Variants in VPS13B observed in about 807,000 individuals in gnomAD.
VPS13B encodes vacuolar protein sorting 13 homolog B.
Under a neutral mutation model 426.4 loss-of-function variants are expected in VPS13B, and 285 were observed. The observed-to-expected ratio is 0.67, with a 90% CI of 0.61 to 0.74. VPS13B has a LOEUF of 0.74. Ranked by LOEUF, VPS13B falls within the 30% of genes least tolerant of loss-of-function variation. The pLI is 0.00. For missense variants in VPS13B, 4,537 were observed against 4,782.6 expected, an observed-to-expected ratio of 0.95 and a Z score of 1.51; for synonymous variants, 1,676 against 1,676.4, an observed-to-expected ratio of 1.00 and a Z score of 0.01.
intron 16 of VPS13B, among the ~76,000 whole-genome samples, chr8:99,173,210 G>A (rs1361490939): frequency 6.6e-6 from 1 of 152,078 alleles, no homozygotes; most frequent in Admixed American, 6.6e-5. Context: ...TGAGTTCAGT[G>A]TTAATTAGAA....
chr8:99,270,313 A>G (rs1465053892), intron 17 of VPS13B, among the ~76,000 whole-genome samples: 4 of 149,932 alleles, frequency 2.7e-5, no homozygotes, highest in Non-Finnish European at 4.4e-5. Flanking sequence ...TAATTTTTAT[A>G]CTTTTAGTAT....
intron 59 of VPS13B, among the ~76,000 whole-genome samples, 161 bp from the exon 60 acceptor site, chr8:99,870,624 T>C (rs777995236): frequency 2.6e-5 from 4 of 152,224 alleles, no homozygotes; most frequent in African/African-American, 7.2e-5. Flanking sequence ...GTTAAGAGCA[T>C]TGTAATGTTT....
At chr8:99,664,189 T>A (rs992914126) in intron 35 of VPS13B, among the ~76,000 whole-genome samples, 4 of 151,892 alleles carry the variant, frequency 2.6e-5, no homozygotes, top group Non-Finnish European at 4.4e-5. Flanking sequence ...GTATTTTTAG[T>A]AGAGGTTGGG....
At chr8:99,430,710 C>T (rs1050907685) in intron 21 of VPS13B, among the ~76,000 whole-genome samples, 3 of 151,344 alleles carry the variant, frequency 2.0e-5, no homozygotes, top group Non-Finnish European at 4.4e-5. Context: ...CCACCCCCCC[C>T]CCAACTTTTT....
At chr8:99,559,995 G>A (rs1240393164) in intron 31 of VPS13B, among the ~76,000 whole-genome samples, 1 of 151,970 alleles carries the variant, frequency 6.6e-6, no homozygotes, top group Non-Finnish European at 1.5e-5. Flanking sequence ...AATTACCTTG[G>A]GCAGTATGGC....
chr8:99,707,539 C>G (rs1366557220), intron 36 of VPS13B, among the ~76,000 whole-genome samples: 1 of 152,140 alleles, frequency 6.6e-6, no homozygotes, highest in Non-Finnish European at 1.5e-5. Flanking sequence ...ACCTCATGGT[C>G]TAGGCACACT....
At chr8:99,451,204 G>A (rs1309605770) in intron 23 of VPS13B, among the ~76,000 whole-genome samples, 1 of 152,114 alleles carries the variant, frequency 6.6e-6, no homozygotes, top group Non-Finnish European at 1.5e-5. Flanking sequence ...CATTCTAAGG[G>A]TGTCTGTTTT....
At chr8:99,247,800 G>A (rs1193823715) in intron 17 of VPS13B, among the ~76,000 whole-genome samples, 1 of 151,528 alleles carries the variant, frequency 6.6e-6, no homozygotes, top group Non-Finnish European at 1.5e-5. Context: ...CATTTCACTT[G>A]TTAAATATAG....
At chr8:99,677,740 A>ATT (rs113491438) in intron 35 of VPS13B, among the ~76,000 whole-genome samples, 2 of 151,644 alleles carry the variant, frequency 1.3e-5, no homozygotes, top group African/African-American at 2.4e-5. Context: ...AGTCATTTAG[A>ATT]TTTTTTTTTA....
intron 14 of VPS13B, among the ~76,000 whole-genome samples, chr8:99,154,829 C>A (rs971183206): frequency 2.0e-5 from 3 of 152,006 alleles, no homozygotes; most frequent in African/African-American, 2.4e-5. Context: ...GGTTAACTTA[C>A]TTTAGGGGAA....
intron 3 of VPS13B, among the ~76,000 whole-genome samples, chr8:99,085,856 C>G (rs936581709): frequency 1.3e-5 from 2 of 152,186 alleles, no homozygotes; most frequent in Non-Finnish European, 2.9e-5. Context: ...GGTAACCCGA[C>G]CTTTCTTTCT....
chr8:99,660,611 A>G (rs1465129815), intron 34 of VPS13B, among the ~76,000 whole-genome samples: 1 of 152,130 alleles, frequency 6.6e-6, no homozygotes, highest in Admixed American at 6.5e-5. Context: ...AGCTATTTCA[A>G]TAAAAGCTGT....
In VPS13B at chr8:99,629,052, C is replaced by T. The variant is rs1049654825; in HGVS notation, c.5221-12759C>T. Among the ~76,000 whole-genome samples the T allele has an allele frequency of 2.0e-5, 3 of 152,304 alleles. No individual in the cohort carries two copies. The East Asian group carries it at 5.8e-4, about 29-fold the overall frequency. ...GATCTGGTATTATAGGCATGAGCCACTATGCCCAGCCTAGCTGTATGATTT... is the reference window on the plus strand; with the variant it reads ...GATCTGGTATTATAGGCATGAGCCATTATGCCCAGCCTAGCTGTATGATTT... On this transcript the variant is annotated intron_variant, in intron 33 of 61. Transcript: ENST00000357162.
At chr8:99,749,315 A>G (rs1385776565) in intron 39 of VPS13B, among the ~76,000 whole-genome samples, 1 of 151,988 alleles carries the variant, frequency 6.6e-6, no homozygotes, top group Non-Finnish European at 1.5e-5. Flanking sequence ...CTGTTGTTCT[A>G]TCAGACACTA....
At chr8:99,242,222 A>G (rs1816968746) in intron 17 of VPS13B, among the ~76,000 whole-genome samples, 1 of 152,150 alleles carries the variant, frequency 6.6e-6, no homozygotes, top group South Asian at 2.1e-4. Context: ...ACCTCAGGTA[A>G]TCCACCCCAC....
intron 17 of VPS13B, among the ~76,000 whole-genome samples, chr8:99,223,365 G>A (rs1815836788): frequency 6.6e-6 from 1 of 152,008 alleles, no homozygotes; most frequent in South Asian, 2.1e-4. Flanking sequence ...TAATTATTGA[G>A]TGGTTATTAT....
chr8:99,605,444 CTA>C (rs1297793269), intron 33 of VPS13B, among the ~76,000 whole-genome samples: 6 of 152,150 alleles, frequency 3.9e-5, no homozygotes, highest in Non-Finnish European at 7.4e-5. Flanking sequence ...ATTCTTCAAT[CTA>C]TAGATAACTC....
chr8:99,641,841 A>C lies in VPS13B; in HGVS notation c.5251A>C (p.Ile1751Leu), dbSNP rs757833793. The C allele has an allele frequency of 6.2e-7, 1 of 1,612,814 alleles. No individual in the cohort carries two copies. The highest frequency in any genetic ancestry group is 1.1e-5 in the South Asian group (1 of 90,944). ...ISKQEQKKVD[I>L]FDGGMAETSS... ...TAAACAAGAACAGAAAAAAGTGGAT[A>C]TATTTGATGGAGGCATGGCTGAAAC... The change falls in exon 34 of 62, where the codon ATA becomes CTA. Residue 1751 changes from isoleucine (I) to leucine (L), a missense_variant. By Grantham distance (5) the Ile-to-Leu change is conservative. Transcript: ENST00000357162.
chr8:99,703,943 T>G (rs946763321), intron 36 of VPS13B, among the ~76,000 whole-genome samples: 2 of 152,010 alleles, frequency 1.3e-5, no homozygotes, highest in African/African-American at 4.8e-5. Flanking sequence ...TATATGTAGA[T>G]AAGGAAAAGG....
Sources: gnomAD v4.1 joint callset for allele counts (sites outside exome capture counted in the v4.1 genomes callset) on GRCh38, gnomAD v4.1.1 for gene constraint, MANE v1.5 for transcripts, NCBI Gene and HGNC (gene_info 2026-07-23, HGNC 2026-07-21) for gene names.